Variants in GNG12 observed in about 807,000 individuals in gnomAD.
GNG12 encodes guanine nucleotide-binding protein G(I)/G(S)/G(O) subunit gamma-12.
For synonymous variants in GNG12, 28 were observed against 29.7 expected, an observed-to-expected ratio of 0.94 and a Z score of 0.19; for missense variants, 69 against 83.8, an observed-to-expected ratio of 0.82 and a Z score of 0.69.
At chr1:67,742,968 A>C (rs934964030) in intron 2 of GNG12, among the ~76,000 whole-genome samples, 2 of 152,152 alleles carry the variant, frequency 1.3e-5, no homozygotes, top group African/African-American at 4.8e-5. Context: ...GATGGTATGC[A>C]GGTCTGATAA....
intron 2 of GNG12, among the ~76,000 whole-genome samples, chr1:67,749,778 T>G (rs1001859969): frequency 2.0e-5 from 3 of 152,162 alleles, no homozygotes; most frequent in African/African-American, 7.2e-5. Flanking sequence ...CTGAGAATTT[T>G]TATCCACAAC....
chr1:67,819,369 T>C (rs545532000), intron 1 of GNG12, among the ~76,000 whole-genome samples: 90 of 152,142 alleles, frequency 5.9e-4, no homozygotes, highest in Non-Finnish European at 1.0e-3. Flanking sequence ...CAATCTACAG[T>C]TGTGTCTTAG....
At chr1:67,736,919 C>T (rs979347667) in intron 2 of GNG12, among the ~76,000 whole-genome samples, 4 of 152,196 alleles carry the variant, frequency 2.6e-5, no homozygotes, top group African/African-American at 9.6e-5. Context: ...CACAGCAACA[C>T]TGGAAAAGAA....
intron 2 of GNG12, among the ~76,000 whole-genome samples, chr1:67,712,181 T>A (rs1292498616): frequency 1.3e-5 from 2 of 152,216 alleles, no homozygotes; most frequent in African/African-American, 4.8e-5. Context: ...CTTCCCTCAG[T>A]GGTGAGGATG....
At chr1:67,799,706 T>C (rs1351633545) in intron 1 of GNG12, among the ~76,000 whole-genome samples, 1 of 152,146 alleles carries the variant, frequency 6.6e-6, no homozygotes, top group African/African-American at 2.4e-5. Flanking sequence ...AACTGAGAAA[T>C]TAAAAAATAC....
At chr1:67,754,073 C>T (rs962434176) in intron 2 of GNG12, among the ~76,000 whole-genome samples, 1 of 152,134 alleles carries the variant, frequency 6.6e-6, no homozygotes, top group African/African-American at 2.4e-5. Context: ...TTTCTGTTCC[C>T]GGTCGTGCCC....
chr1:67,807,055 C>T (rs1461426732), intron 1 of GNG12, among the ~76,000 whole-genome samples: 1 of 152,026 alleles, frequency 6.6e-6, no homozygotes, highest in Non-Finnish European at 1.5e-5. Flanking sequence ...AAAACCTTAA[C>T]AAATTTAAAA....
chr1:67,827,299 CTTA>C (rs1363586989), intron 1 of GNG12, among the ~76,000 whole-genome samples: 2 of 152,196 alleles, frequency 1.3e-5, no homozygotes, highest in Non-Finnish European at 2.9e-5. Context: ...AAGTCACCCA[CTTA>C]TTATACAATC....
chr1:67,826,833 C>T (rs1014524623), intron 1 of GNG12, among the ~76,000 whole-genome samples: 3 of 152,142 alleles, frequency 2.0e-5, no homozygotes, highest in Admixed American at 2.0e-4. Context: ...TTTTCCTCTG[C>T]AATAATTTAT....
chr1:67,812,630 A>C (rs1646932522), intron 1 of GNG12, among the ~76,000 whole-genome samples: 1 of 152,250 alleles, frequency 6.6e-6, no homozygotes, highest in Non-Finnish European at 1.5e-5. Context: ...TTCGAAAAGA[A>C]GGCCTCTCAC....
chr1:67,800,483 AAAAG>A (rs1305269612), intron 1 of GNG12, among the ~76,000 whole-genome samples: 1 of 152,226 alleles, frequency 6.6e-6, no homozygotes, highest in Non-Finnish European at 1.5e-5. Context: ...TCTTTCAAGC[AAAAG>A]CAGTGTCAGG....
At chr1:67,710,251 T>C (rs1358997302) in intron 2 of GNG12, among the ~76,000 whole-genome samples, 1 of 128,418 alleles carries the variant, frequency 7.8e-6, no homozygotes, top group African/African-American at 3.0e-5. Flanking sequence ...TAGTTATATA[T>C]ATATATAGTT....
At chr1:67,760,620 G>A (rs1038071269) in intron 2 of GNG12, among the ~76,000 whole-genome samples, 4 of 152,222 alleles carry the variant, frequency 2.6e-5, no homozygotes, top group Non-Finnish European at 5.9e-5. Flanking sequence ...CAAAGCTAAT[G>A]TAGAACTGTG....
intron 1 of GNG12, among the ~76,000 whole-genome samples, chr1:67,799,888 G>T (rs1005368829): frequency 4.0e-5 from 6 of 151,878 alleles, no homozygotes; most frequent in Non-Finnish European, 5.9e-5. Context: ...GAGACAGCTG[G>T]TTTTTTTTGG....
intron 2 of GNG12, among the ~76,000 whole-genome samples, chr1:67,763,913 T>G (rs1005491592): frequency 2.0e-5 from 3 of 152,218 alleles, no homozygotes; most frequent in African/African-American, 7.2e-5. Flanking sequence ...GAGTGTGAAC[T>G]CCATGTCAGG....
intron 2 of GNG12, among the ~76,000 whole-genome samples, chr1:67,761,927 G>C (rs1187951321): frequency 6.6e-6 from 1 of 152,150 alleles, no homozygotes; most frequent in Non-Finnish European, 1.5e-5. Context: ...GCCACCTGCA[G>C]TCAGACCACT....
chr1:67,794,695 T>C (rs1440650080), intron 1 of GNG12, among the ~76,000 whole-genome samples: 2 of 152,240 alleles, frequency 1.3e-5, no homozygotes, highest in East Asian at 3.8e-4. Context: ...AAAGAAAGGC[T>C]TAAGGCTTCT....
At chr1:67,759,476 A>G (rs1646589762) in intron 2 of GNG12, among the ~76,000 whole-genome samples, 1 of 152,226 alleles carries the variant, frequency 6.6e-6, no homozygotes, top group Admixed American at 6.5e-5. Context: ...TCTTTCACCC[A>G]TTCCCTGTGT....
In GNG12 at chr1:67,705,342, AT is replaced by A; in HGVS notation, c.*108del. 1 of 1,488,392 alleles carries A rather than the reference AT, an allele frequency of 6.7e-7. No individual in the cohort carries two copies. The allele number at this position is 1,488,392 out of a possible 1,614,324, so 92.2% of individuals were successfully genotyped here. ...GAGTCCATTATTCCAAGCTGAGAAC[AT>A]TTTAGTTATTAGCAGTGGTTACCAA... On this transcript the variant is annotated 3_prime_UTR_variant, in exon 4 of 4. Coordinates refer to ENST00000370982, the MANE Select transcript of GNG12 (RefSeq NM_018841.6).
Sources: gnomAD v4.1 joint callset for allele counts (sites outside exome capture counted in the v4.1 genomes callset) on GRCh38, gnomAD v4.1.1 for gene constraint, MANE v1.5 for transcripts, NCBI Gene and HGNC (gene_info 2026-07-23, HGNC 2026-07-21) for gene names.